Variants in ERC2 observed in about 807,000 individuals in gnomAD.
ERC2 encodes ELKS/RAB6-interacting/CAST family member 2.
In ERC2, 42 loss-of-function variants were observed where a neutral mutation model predicts 114.8. The ratio of observed to expected loss-of-function variants is 0.37; its 90% CI spans 0.29 to 0.47. ERC2 has a LOEUF of 0.47. Ranked by LOEUF, ERC2 falls within the 20% of genes least tolerant of loss-of-function variation. The pLI is 0.99. For missense variants in ERC2, 939 were observed against 1,150.7 expected (o/e 0.82, Z 2.66); for synonymous variants, 454 against 425.5 (o/e 1.07, Z -0.82).
At chr3:56,464,758 G>A (rs1285306414) in intron 1 of ERC2, among the ~76,000 whole-genome samples, 1 of 151,020 alleles carries the variant, frequency 6.6e-6, no homozygotes, top group Non-Finnish European at 1.5e-5. Context: ...TCTAAACTAA[G>A]AAAATCACAA....
At chr3:55,715,653 C>A (rs1408752611) in intron 15 of ERC2, among the ~76,000 whole-genome samples, 1 of 151,878 alleles carries the variant, frequency 6.6e-6, no homozygotes, top group East Asian at 1.9e-4. Flanking sequence ...TTCCTCTCTG[C>A]CATTTTGGGA....
Position 56,276,459 on chromosome 3 carries a change from T to TAAAAAAAAA in ERC2, c.1074+19551_1074+19559dup, listed in dbSNP as rs766683320. Among the ~76,000 whole-genome samples, 143 of 82,798 alleles carry TAAAAAAAAA rather than the reference T, an allele frequency of 1.7e-3. 2 individuals carry two copies. The highest frequency in any genetic ancestry group is 7.2e-3 in the Middle Eastern group (1 of 138). 54.3% of individuals were successfully genotyped at this position (82,798 alleles called of 152,430 possible). A position where few individuals can be genotyped will look rare whatever the true frequency, so the allele number is the denominator to read the frequency against. On this transcript the variant is annotated intron_variant, in intron 3 of 17. Coordinates refer to ENST00000288221, the MANE Select transcript of ERC2 (RefSeq NM_015576.3). ...CATCCATTCAACTCCCAAACTCAGC[T>TAAAAAAAAA]AAAAAAAAAAAAAAAAAACAAACTC...
chr3:56,318,002 C>T (rs866039208), intron 2 of ERC2, among the ~76,000 whole-genome samples: 3 of 152,280 alleles, frequency 2.0e-5, no homozygotes, highest in African/African-American at 4.8e-5. Context: ...TATAAGAATG[C>T]TCTTTGTCTC....
chr3:55,571,830 A>C (rs1035659298), intron 17 of ERC2, among the ~76,000 whole-genome samples: 1 of 152,234 alleles, frequency 6.6e-6, no homozygotes, highest in South Asian at 2.1e-4. Flanking sequence ...GGCCTAGCAC[A>C]CAGTAGGTGC....
intron 7 of ERC2, among the ~76,000 whole-genome samples, chr3:56,079,348 G>A (rs1371864243): frequency 2.6e-5 from 4 of 152,172 alleles, no homozygotes; most frequent in East Asian, 1.9e-4. Context: ...CAAGTGGCTC[G>A]TGACTACCAC....
At chr3:56,418,971 G>C (rs1375236667) in intron 2 of ERC2, among the ~76,000 whole-genome samples, 1 of 152,210 alleles carries the variant, frequency 6.6e-6, no homozygotes, top group East Asian at 1.9e-4. Flanking sequence ...TTCTTCCCTA[G>C]ACCAAACTTC....
intron 6 of ERC2, among the ~76,000 whole-genome samples, chr3:56,106,050 G>A (rs1040364489): frequency 6.6e-6 from 1 of 152,212 alleles, no homozygotes; most frequent in African/African-American, 2.4e-5. Flanking sequence ...CATGATTTGA[G>A]TTCACTGAAT....
intron 2 of ERC2, among the ~76,000 whole-genome samples, chr3:56,336,400 G>A (rs756449471): frequency 3.9e-5 from 6 of 152,154 alleles, no homozygotes; most frequent in Admixed American, 6.6e-5. Context: ...GAAGACATTC[G>A]AGCAGTCTAA....
intron 14 of ERC2, among the ~76,000 whole-genome samples, chr3:55,860,075 G>A (rs1388894942): frequency 1.3e-5 from 2 of 152,004 alleles, no homozygotes; most frequent in Non-Finnish European, 2.9e-5. Flanking sequence ...TCTCCCACCC[G>A]AAGGTTTTAA....
At chr3:55,891,300 G>A (rs2063584489) in intron 13 of ERC2, among the ~76,000 whole-genome samples, 1 of 152,134 alleles carries the variant, frequency 6.6e-6, no homozygotes, top group African/African-American at 2.4e-5. Flanking sequence ...GAGTCCCTGA[G>A]TGACCACAAT....
At chr3:55,586,748 G>C (rs981050620) in intron 17 of ERC2, among the ~76,000 whole-genome samples, 2 of 152,142 alleles carry the variant, frequency 1.3e-5, no homozygotes, top group African/African-American at 4.8e-5. Context: ...TTCTCTGCAT[G>C]AGGCAATTTA....
chr3:56,235,248 A>G (rs9810491), intron 3 of ERC2, among the ~76,000 whole-genome samples: 43,224 of 152,036 alleles, frequency 0.28, 6,597 homozygotes, highest in Non-Finnish European at 0.33. Context: ...CTGAGATGTA[A>G]CAGTAAACAA....
chr3:55,574,378 C>A (rs2056871275), intron 17 of ERC2, among the ~76,000 whole-genome samples: 3 of 152,110 alleles, frequency 2.0e-5, no homozygotes, highest in African/African-American at 7.2e-5. Flanking sequence ...CTTTTATCTC[C>A]CAAGTCATCT....
chr3:55,603,078 G>C (rs1162006023), intron 17 of ERC2, among the ~76,000 whole-genome samples: 1 of 152,084 alleles, frequency 6.6e-6, no homozygotes, highest in Non-Finnish European at 1.5e-5. Flanking sequence ...TCCTCATGCT[G>C]GGATATCTTT....
chr3:55,580,580 G>A (rs942742452), intron 17 of ERC2, among the ~76,000 whole-genome samples: 3 of 152,094 alleles, frequency 2.0e-5, no homozygotes, highest in Non-Finnish European at 4.4e-5. Flanking sequence ...AGAACCCAAG[G>A]GCTTGGTAAG....
In ERC2 at chr3:56,244,606, C is replaced by T. The variant is rs150053532; in HGVS notation, c.1074+51413G>A. The stretch of plus-strand genomic sequence containing the variant: ...TGTGTGTTTGTGTTTTAGTTTTTAA[C>T]AAAAAAGTTAAAACAGTAAAAAAAA... On this transcript the variant is annotated intron_variant, in intron 3 of 17. Transcript: ENST00000288221. Among the ~76,000 whole-genome samples the T allele has an allele frequency of 9.0e-4, 136 of 150,610 alleles. 2 individuals carry two copies. In the East Asian group the frequency reaches 0.023, roughly 26 times the overall value.
chr3:56,204,283 G>A (rs1350313756), intron 3 of ERC2, among the ~76,000 whole-genome samples: 2 of 152,104 alleles, frequency 1.3e-5, no homozygotes, highest in African/African-American at 4.8e-5. Flanking sequence ...GCTCACAACA[G>A]AGTACTCTCA....
At chr3:55,817,275 G>A (rs1394572217) in intron 14 of ERC2, among the ~76,000 whole-genome samples, 1 of 152,126 alleles carries the variant, frequency 6.6e-6, no homozygotes, top group African/African-American at 2.4e-5. Context: ...TGCTACTCTG[G>A]TCCCTGTTGC....
At chr3:55,787,222 C>T (rs546966483) in intron 14 of ERC2, among the ~76,000 whole-genome samples, 1 of 152,020 alleles carries the variant, frequency 6.6e-6, no homozygotes, top group African/African-American at 2.4e-5. Flanking sequence ...TTGAGACCAG[C>T]CCAGGAAATA....
Sources: allele counts gnomAD v4.1 joint callset (sites outside exome capture counted in the v4.1 genomes callset), GRCh38; gene constraint gnomAD v4.1.1; transcripts MANE v1.5; gene names NCBI Gene and HGNC (gene_info 2026-07-23, HGNC 2026-07-21).